CPLANE1: variants seen among roughly 807,000 people sequenced by gnomAD.
The protein encoded by CPLANE1 is ciliogenesis and planar polarity effector 1.
A neutral mutation model predicts 362.5 loss-of-function variants in CPLANE1; 263 were observed. That is an observed-to-expected ratio of 0.73 (90% CI 0.66 to 0.80). CPLANE1 has a LOEUF of 0.80. Ranked by LOEUF, CPLANE1 falls within the 30% of genes least tolerant of loss-of-function variation. The pLI is 0.00. For synonymous variants in CPLANE1, 1,212 were observed against 1,302.6 expected (o/e 0.93, Z 1.50); for missense variants, 3,461 against 3,793.4 (o/e 0.91, Z 2.30).
chr5:37,214,642 G>T (rs2150263538), intron 15 of CPLANE1, among the ~76,000 whole-genome samples: 1 of 152,310 alleles, frequency 6.6e-6, no homozygotes, highest in East Asian at 1.9e-4. Flanking sequence ...GCTACTTCCT[G>T]TTGCTATTTT....
intron 14 of CPLANE1, among the ~76,000 whole-genome samples, chr5:37,223,263 T>C (rs1795741833): frequency 6.6e-6 from 1 of 152,204 alleles, no homozygotes; most frequent in South Asian, 2.1e-4. Context: ...CTCTACTCAA[T>C]TTTAAATGTC....
intron 1 of CPLANE1, among the ~76,000 whole-genome samples, chr5:37,248,705 G>T (rs1561739600): frequency 6.6e-6 from 1 of 152,100 alleles, no homozygotes; most frequent in African/African-American, 2.4e-5. Context: ...TCACAAAAGG[G>T]TTAACCAAAT....
rs1767958159 is a variant in CPLANE1 at position 37,137,097 on chromosome 5, CTG to C, written c.8792+1621_8792+1622del. On this transcript the variant is annotated intron_variant, in intron 46 of 52. Coordinates refer to ENST00000651892, the MANE Select transcript of CPLANE1 (RefSeq NM_001384732.1). ...TTTTCTTTTATATTGCACTGTCAGC[CTG>C]CAAATTTTCCAAACTTTCATGCTCT... Among the ~76,000 whole-genome samples, 4 of 152,298 alleles carry C rather than the reference CTG, an allele frequency of 2.6e-5. No individual in the cohort carries two copies. In the South Asian group the frequency reaches 8.3e-4, roughly 32 times the overall value.
intron 34 of CPLANE1, among the ~76,000 whole-genome samples, chr5:37,167,503 G>C (rs1778587365): frequency 6.6e-6 from 1 of 152,220 alleles, no homozygotes; most frequent in South Asian, 2.1e-4. Context: ...CTCTGGCCAA[G>C]TGCAGTGGCT....
At chr5:37,108,271 CA>C (rs1216714693) in intron 52 of CPLANE1, 21 bp downstream of exon 52, 14 of 1,604,236 alleles carry the variant, frequency 8.7e-6, no homozygotes, top group Non-Finnish European at 1.2e-5. Flanking sequence ...ACTAGACAAA[CA>C]AAATCTAGAA....
At chr5:37,118,544 C>T (rs1026919661) in intron 50 of CPLANE1, among the ~76,000 whole-genome samples, 1 of 152,096 alleles carries the variant, frequency 6.6e-6, no homozygotes, top group Non-Finnish European at 1.5e-5. Context: ...TAGACCCACC[C>T]TCGGATTAAA....
At chr5:37,225,716 G>C (rs1580885173) in intron 12 of CPLANE1, among the ~76,000 whole-genome samples, 1 of 152,044 alleles carries the variant, frequency 6.6e-6, no homozygotes, top group East Asian at 1.9e-4. Context: ...GCCAAGCGTG[G>C]TGGCAGGCGC....
rs1449505910 is a variant in CPLANE1 at position 37,106,520 on chromosome 5, T to G, written c.*1082A>C. 7 of 391,726 alleles carry G rather than the reference T, an allele frequency of 1.8e-5. No homozygotes were observed. In the Admixed American group the frequency reaches 1.9e-4, roughly 11 times the overall value. The allele number at this position is 391,726 out of a possible 1,614,324, so 24.3% of individuals were successfully genotyped here. On this transcript the variant is annotated 3_prime_UTR_variant, in exon 53 of 53. Transcript: ENST00000651892. ...CAAAAAAGAAACTAACAGAAAACAA[T>G]TTAAAATATTTTAAATGACAAAACA... is the stretch of plus-strand genomic sequence containing the variant.
the CPLANE1 span, among the ~76,000 whole-genome samples, chr5:37,081,805 C>T: frequency 6.6e-6 from 1 of 152,056 alleles, no homozygotes; most frequent in African/African-American, 2.4e-5. Context: ...CATAGTCAAA[C>T]TGCTGAAAAT....
intron 32 of CPLANE1, among the ~76,000 whole-genome samples, chr5:37,172,693 A>C (rs1208181962): frequency 6.6e-6 from 1 of 152,236 alleles, no homozygotes; most frequent in Non-Finnish European, 1.5e-5. Flanking sequence ...GTTCAAAGAG[A>C]AAATTAGTGC....
chr5:37,244,370 T>C lies in CPLANE1; in HGVS notation c.570+5A>G. ...TCACAGATAAGAGTCTGAGACTGAT[T>C]TTACCTCATTTTTTATAAAAACAGC... On this transcript the variant is annotated splice_donor_5th_base_variant and intron_variant, in intron 5 of 52. Coordinates refer to ENST00000651892, the MANE Select transcript of CPLANE1 (RefSeq NM_001384732.1). The C allele has an allele frequency of 6.5e-7, 1 of 1,544,108 alleles. No homozygotes were observed.
In CPLANE1 at chr5:37,247,701, T is replaced by C. The variant is rs1348792698; in HGVS notation, c.-3A>G. ...AAGATTTCTAATCTTATCTCCATGT[T>C]TGTTAAGCTATCAATGACCAATTAA... On this transcript the variant is annotated 5_prime_UTR_variant, in exon 2 of 53. Transcript: ENST00000651892. 14 of 1,547,200 alleles carry C rather than the reference T, an allele frequency of 9.0e-6. No homozygotes were observed. Among genetic ancestry groups the C allele is most frequent in the Non-Finnish European group, 1.2e-5 (14 of 1,143,718 alleles).
Position 37,169,337 on chromosome 5 carries a change from T to C in CPLANE1, c.6687A>G (p.Gln2229=), listed in dbSNP as rs570611094. 2 of 1,614,166 alleles carry C rather than the reference T, an allele frequency of 1.2e-6. No individual in the cohort carries two copies. Among genetic ancestry groups the C allele is most frequent in the Non-Finnish European group, 1.7e-6 (2 of 1,180,028 alleles). Residue 2229 remains glutamine (Q), a synonymous_variant, in exon 34 of 53, where the codon CAA becomes CAG. Transcript: ENST00000651892. ...GCTGGAATTCTTGTTTAGACTTAAA[T>C]TGAAGCAAAGGAAAGCCATCACCAG... ...FSPGDGFPLL[Q]FKSKQEFQPL...
At chr5:37,221,580 A>C in intron 14 of CPLANE1, 92 bp from the exon 15 acceptor site, 1 of 820,936 alleles carries the variant, frequency 1.2e-6, no homozygotes, top group Non-Finnish European at 1.7e-6. Context: ...TAGTTTGTGA[A>C]AATTCATCAA....
rs1380406284 is a variant in CPLANE1, at chr5:37,195,839, C to G, written c.3811+19G>C. 3 of 1,598,610 alleles carry G rather than the reference C, an allele frequency of 1.9e-6. No homozygotes were observed. Among genetic ancestry groups the G allele is most frequent in the Non-Finnish European group, 2.6e-6 (3 of 1,175,584 alleles). ...TACCATCATTCATACTCTAAGCAAG[C>G]AGTTCATTTTGGACAAACCTATTGC... On this transcript the variant is annotated intron_variant, in intron 21 of 52. Coordinates refer to ENST00000651892, the MANE Select transcript of CPLANE1 (RefSeq NM_001384732.1).
At chr5:37,085,352 T>C in the CPLANE1 span, 2 of 1,344,942 alleles carry the variant, frequency 1.5e-6, no homozygotes, top group Non-Finnish European at 2.1e-6. Context: ...ATAATTTCCA[T>C]CTGATCTATG....
At chr5:37,210,343 C>T in intron 16 of CPLANE1, 4 of 1,234,452 alleles carry the variant, frequency 3.2e-6, no homozygotes, top group Non-Finnish European at 4.8e-6. Context: ...ATGACTGAGG[C>T]ACTTAGGAGA....
At chr5:37,086,474 A>G in the CPLANE1 span, among the ~76,000 whole-genome samples, 2 of 152,236 alleles carry the variant, frequency 1.3e-5, no homozygotes, top group Non-Finnish European at 2.9e-5. Flanking sequence ...AAAAGCTTCA[A>G]GATAGAGTTA....
chr5:37,177,651 A>G lies in CPLANE1; in HGVS notation c.5870T>C (p.Ile1957Thr). The G allele has an allele frequency of 1.2e-6, 2 of 1,613,780 alleles. No homozygotes were observed. Among genetic ancestry groups the G allele is most frequent in the South Asian group, 2.2e-5 (2 of 91,056 alleles). Residue 1957 changes from isoleucine (I) to threonine (T), a missense_variant, in exon 30 of 53, where the codon ATT becomes ACT. Ile to Thr is a moderately conservative substitution (Grantham distance 89, BLOSUM62 -1). Coordinates refer to ENST00000651892, the MANE Select transcript of CPLANE1 (RefSeq NM_001384732.1). ...QCQREEPLET[I>T]MEEKSTEQKG... Reference sequence around the variant, plus strand: ...TTGTTCAGTCGATTTTTCCTCCATAATTGTCTCCAGTGGTTCTTCCCTTTG... The same window carrying G: ...TTGTTCAGTCGATTTTTCCTCCATAGTTGTCTCCAGTGGTTCTTCCCTTTG...
Sources: gnomAD v4.1 joint callset for allele counts (sites outside exome capture counted in the v4.1 genomes callset) on GRCh38, gnomAD v4.1.1 for gene constraint, MANE v1.5 for transcripts, NCBI Gene and HGNC (gene_info 2026-07-23, HGNC 2026-07-21) for gene names.